Variants in PRKCG observed in about 807,000 individuals in gnomAD.
The protein encoded by PRKCG is protein kinase C gamma type.
PRKCG carries 28 observed loss-of-function variants against 82.0 expected under a neutral mutation model. The ratio of observed to expected loss-of-function variants is 0.34; its 90% CI spans 0.25 to 0.47. PRKCG has a LOEUF of 0.47. Ranked by LOEUF, PRKCG falls within the 20% of genes least tolerant of loss-of-function variation. PRKCG has a pLI of 1.00. For synonymous variants in PRKCG, 383 were observed against 376.6 expected (o/e 1.02, Z -0.20); for missense variants, 640 against 952.7 (o/e 0.67, Z 4.32).
chr19:53,902,430 A>G (rs184155045), intron 14 of PRKCG, among the ~76,000 whole-genome samples: 1 of 152,244 alleles, frequency 6.6e-6, no homozygotes, highest in Non-Finnish European at 1.5e-5. Flanking sequence ...GAAAAAAGAT[A>G]AGAAAATTTG....
Position 53,883,019 on chromosome 19 carries a change from G to A in PRKCG, c.171-144G>A, listed in dbSNP as rs2122973928. On this transcript the variant is annotated intron_variant, in intron 1 of 17. Transcript: ENST00000263431. This position sits in a 1 kb window ranked among gnomAD's most constrained non-coding sequence, Gnocchi z 5.4. ...AAGGGCTGGGGGCCAAAATTTCTGG[G>A]TTCTAGAAAGAGGAGGTGGCCGGGG... is the stretch of plus-strand genomic sequence containing the variant. The A allele has an allele frequency of 9.1e-7, 1 of 1,093,360 alleles. No individual in the cohort carries two copies. The highest frequency in any genetic ancestry group is 1.4e-6 in the Non-Finnish European group (1 of 720,754). 67.7% of individuals were successfully genotyped at this position (1,093,360 alleles called of 1,614,324 possible).
intron 16 of PRKCG, among the ~76,000 whole-genome samples, chr19:53,905,532 C>G (rs1270668227): frequency 6.6e-6 from 1 of 151,658 alleles, no homozygotes; most frequent in African/African-American, 2.4e-5. Flanking sequence ...TCTCTGTCCC[C>G]CTGGGTCTCC....
chr19:53,903,529 G>A (rs906557450), intron 15 of PRKCG, among the ~76,000 whole-genome samples: 22 of 152,306 alleles, frequency 1.4e-4, no homozygotes, highest in African/African-American at 4.8e-4. Context: ...CAGCTTGATT[G>A]GATTCCTGGA....
At position 53,889,231 on chromosome 19, in the gene PRKCG, G is replaced by C. The variant is rs889102422; in HGVS notation, c.286-407G>C. On this transcript the variant is annotated intron_variant, in intron 3 of 17. Transcript: ENST00000263431. The surrounding 1 kb of genome is among the most constrained non-coding windows in gnomAD (Gnocchi z 4.4). ...GGCCTCCCAAAGTGCTGGGATTACAGGCATGAGCCACCGCACCCAGCCAGG... is the reference window on the plus strand; with the variant it reads ...GGCCTCCCAAAGTGCTGGGATTACACGCATGAGCCACCGCACCCAGCCAGG... Among the ~76,000 whole-genome samples, 2 of 152,092 alleles carry C rather than the reference G, an allele frequency of 1.3e-5. No homozygotes were observed. Among genetic ancestry groups the C allele is most frequent in the African/African-American group, 2.4e-5 (1 of 41,416 alleles).
Position 53,890,007 on chromosome 19 carries a change from C to A in PRKCG, c.519C>A (p.Ile173=). The A allele has an allele frequency of 1.3e-6, 2 of 1,564,518 alleles. No individual in the cohort carries two copies. Among genetic ancestry groups the A allele is most frequent in the East Asian group, 4.8e-5 (2 of 41,946 alleles). The change falls in exon 5 of 18, where the codon ATC becomes ATA. Residue 173 remains isoleucine, a synonymous_variant. Coordinates refer to ENST00000263431, the MANE Select transcript of PRKCG (RefSeq NM_002739.5). ...TCCGGGCTCCCACAGCAGATGAGAT[C>A]CACGTAACTGGTGAGGCCCCGCCCC... is the stretch of plus-strand genomic sequence containing the variant. ...LEIRAPTADE[I]HVTVGEARNL...
rs1420804620 is a variant in PRKCG at position 53,884,111 on chromosome 19, G to T, written c.203-50G>T. ...AATTTTCTGTCTGCTGGGGTCTCCC[G>T]CTGGACTAATCCATGCCTCCGTCTG... On this transcript the variant is annotated intron_variant, in intron 2 of 17. Transcript: ENST00000263431. The surrounding 1 kb of genome is among the most constrained non-coding windows in gnomAD (Gnocchi z 4.6). 6.3e-7 allele frequency: 1 copy of T among 1,583,094 alleles called. No homozygotes were observed. The highest frequency in any genetic ancestry group is 1.3e-5 in the African/African-American group (1 of 74,342).
rs778703745 is a variant in PRKCG, at chr19:53,907,445, C to T, written c.*550C>T. On this transcript the variant is annotated 3_prime_UTR_variant, in exon 18 of 18. Coordinates refer to ENST00000263431, the MANE Select transcript of PRKCG (RefSeq NM_002739.5). ...GATTCTTTCCCCAGAGGCTCCCAAT[C>T]AGCTTTTGTTCTAGACTTCCCCATC... 3.5e-4 allele frequency: 59 copies of T among 169,190 alleles called. No individual in the cohort carries two copies. Among genetic ancestry groups the T allele is most frequent in the Admixed American group, 6.3e-4 (11 of 17,600 alleles). 10.5% of individuals were successfully genotyped at this position (169,190 alleles called of 1,614,324 possible). A position where few individuals can be genotyped will look rare whatever the true frequency, so the allele number is the denominator to read the frequency against.
chr19:53,900,560 C>G lies in PRKCG; in HGVS notation c.1437-51C>G. 6.2e-7 allele frequency: 1 copy of G among 1,614,212 alleles called. No individual in the cohort carries two copies. The highest frequency in any genetic ancestry group is 8.5e-7 in the Non-Finnish European group (1 of 1,180,044). On this transcript the variant is annotated intron_variant, in intron 13 of 17. Transcript: ENST00000263431. This position sits in a 1 kb window ranked among gnomAD's most constrained non-coding sequence, Gnocchi z 4.2. ...GATTTGAATATGTGGCTCTAGACTG[C>G]TGAACTCAACACTTCTTGCAATTCC...
chr19:53,906,505 G>A (rs372405012), intron 17 of PRKCG, 48 bp downstream of exon 17: 237 of 1,568,208 alleles, frequency 1.5e-4, no homozygotes, highest in Middle Eastern at 7.2e-4. Context: ...AAGGGGTGGG[G>A]TTCCCCTGGG....
rs1169346558 is a variant in PRKCG, at chr19:53,882,871, G to C, written c.170+207G>C. Among the ~76,000 whole-genome samples, 1 of 151,998 alleles carries C rather than the reference G, an allele frequency of 6.6e-6. No homozygotes were observed. Among genetic ancestry groups the C allele is most frequent in the Non-Finnish European group, 1.5e-5 (1 of 67,992 alleles). On this transcript the variant is annotated intron_variant, in intron 1 of 17. Coordinates refer to ENST00000263431, the MANE Select transcript of PRKCG (RefSeq NM_002739.5). The surrounding 1 kb of genome is among the most constrained non-coding windows in gnomAD (Gnocchi z 6.1). The stretch of plus-strand genomic sequence containing the variant: ...GAGTGCTGGGTCCGAGGGAGGAGGA[G>C]GCTGGAGGACAGAGGTCCTGGAGTC...
Position 53,882,697 on chromosome 19 carries a change from A to ACGC in PRKCG, c.170+33_170+34insCGC. Reference sequence around the variant, plus strand: ...AAGGGGGCTGGGGGACTGGGGGACGAGGGGACTAGGGGTGCAGACTCCTAT... The same window carrying ACGC: ...AAGGGGGCTGGGGGACTGGGGGACGACGCGGGGACTAGGGGTGCAGACTCCTAT... On this transcript the variant is annotated intron_variant, in intron 1 of 17. Coordinates refer to ENST00000263431, the MANE Select transcript of PRKCG (RefSeq NM_002739.5). This position sits in a 1 kb window ranked among gnomAD's most constrained non-coding sequence, Gnocchi z 6.1. The ACGC allele has an allele frequency of 2.6e-6, 2 of 768,340 alleles. No individual in the cohort carries two copies. The highest frequency in any genetic ancestry group is 4.3e-6 in the Non-Finnish European group (2 of 469,886). The allele number at this position is 768,340 out of a possible 1,614,324, so 47.6% of individuals were successfully genotyped here. A position where few individuals can be genotyped will look rare whatever the true frequency, so the allele number is the denominator to read the frequency against.
chr19:53,906,077 TCCTCCTC>T (rs1568763956), intron 16 of PRKCG, among the ~76,000 whole-genome samples: 4 of 71,274 alleles, frequency 5.6e-5, no homozygotes, highest in Admixed American at 1.5e-4. Flanking sequence ...CTCCTCCTCC[TCCTCCTC>T]CTTCTTCTTC....
intron 15 of PRKCG, 67 bp from the exon 16 acceptor site, chr19:53,904,568 G>T: frequency 5.1e-6 from 7 of 1,371,820 alleles, no homozygotes; most frequent in Non-Finnish European, 7.1e-6. Context: ...GGGTGAGGAG[G>T]GTGTGGAAGG....
chr19:53,897,648 G>A (rs529221705), intron 9 of PRKCG, among the ~76,000 whole-genome samples: 6 of 151,646 alleles, frequency 4.0e-5, no homozygotes, highest in Admixed American at 2.0e-4. Context: ...GTTACTTAAC[G>A]TCTCTGTGCT....
At position 53,884,563 on chromosome 19, in the gene PRKCG, AAT is replaced by A. The variant is rs2068618297; in HGVS notation, c.285+323_285+324del. On this transcript the variant is annotated intron_variant, in intron 3 of 17. Coordinates refer to ENST00000263431, the MANE Select transcript of PRKCG (RefSeq NM_002739.5). The surrounding 1 kb of genome is among the most constrained non-coding windows in gnomAD (Gnocchi z 4.6). ...GAGAGCTGAGGGGCACACGGAGAAA[AAT>A]ATCAGTGCAGGTGCGGAGATGCCAA... Among the ~76,000 whole-genome samples, 1 of 152,072 alleles carries A rather than the reference AAT, an allele frequency of 6.6e-6. No homozygotes were observed. The highest frequency in any genetic ancestry group is 1.5e-5 in the Non-Finnish European group (1 of 68,024).
At chr19:53,894,920 G>A (rs2068707085) in intron 9 of PRKCG, among the ~76,000 whole-genome samples, 2 of 152,260 alleles carry the variant, frequency 1.3e-5, no homozygotes, top group South Asian at 4.1e-4. Flanking sequence ...CTCAGGCACT[G>A]GGGCGTCCCT....
intron 14 of PRKCG, among the ~76,000 whole-genome samples, chr19:53,902,453 A>G (rs2068770708): frequency 6.6e-6 from 1 of 152,088 alleles, no homozygotes; most frequent in African/African-American, 2.4e-5. Context: ...AACTACACAC[A>G]TATTCCTGAC....
chr19:53,900,562 G>T lies in PRKCG; in HGVS notation c.1437-49G>T. On this transcript the variant is annotated intron_variant, in intron 13 of 17. Transcript: ENST00000263431. This position sits in a 1 kb window ranked among gnomAD's most constrained non-coding sequence, Gnocchi z 4.2. The stretch of plus-strand genomic sequence containing the variant: ...TTTGAATATGTGGCTCTAGACTGCT[G>T]AACTCAACACTTCTTGCAATTCCTG... 1 of 1,614,192 alleles carries T rather than the reference G, an allele frequency of 6.2e-7. No homozygotes were observed. Among genetic ancestry groups the T allele is most frequent in the Non-Finnish European group, 8.5e-7 (1 of 1,180,046 alleles).
chr19:53,887,073 T>C (rs940026220), intron 3 of PRKCG, among the ~76,000 whole-genome samples: 1 of 151,926 alleles, frequency 6.6e-6, no homozygotes, highest in Non-Finnish European at 1.5e-5. Flanking sequence ...TTTTTGTTTT[T>C]GTTTTTTTTT....
Sources: allele counts gnomAD v4.1 joint callset (sites outside exome capture counted in the v4.1 genomes callset), GRCh38; gene constraint gnomAD v4.1.1; non-coding constraint Gnocchi (gnomAD v3.1); transcripts MANE v1.5; gene names NCBI Gene and HGNC (gene_info 2026-07-23, HGNC 2026-07-21).